GRK1: variants seen among roughly 807,000 people sequenced by gnomAD.
The protein encoded by GRK1 is rhodopsin kinase GRK1.
In GRK1, 28 loss-of-function variants were observed where a neutral mutation model predicts 41.7. That is an observed-to-expected ratio of 0.67 (90% CI 0.50 to 0.92). GRK1 has a LOEUF of 0.92. Ranked by LOEUF, GRK1 falls within the 40% of genes least tolerant of loss-of-function variation. The pLI, the probability that GRK1 is intolerant of heterozygous loss-of-function variation, is 0.00. For missense variants in GRK1, 703 were observed against 671.2 expected, an observed-to-expected ratio of 1.05 and a Z score of -0.52; for synonymous variants, 327 against 286.7, an observed-to-expected ratio of 1.14 and a Z score of -1.42.
the GRK1 span, chr13:113,649,604 A>T: frequency 7.0e-7 from 1 of 1,434,750 alleles, no homozygotes; most frequent in Non-Finnish European, 9.2e-7. The surrounding 1 kb of genome is among the most constrained non-coding windows in gnomAD (Gnocchi z 4.7). Flanking sequence ...AAACTAAGCA[A>T]GGAAGTGTCA....
At chr13:113,654,804 G>A in the GRK1 span, 1,882 of 1,612,792 alleles carry the variant, frequency 1.2e-3, 3 homozygotes, top group Non-Finnish European at 1.5e-3. Flanking sequence ...GCAACATCCC[G>A]GGCGCTTACC....
At chr13:113,668,629 C>A (rs1193841069) in intron 1 of GRK1, among the ~76,000 whole-genome samples, 2 of 152,250 alleles carry the variant, frequency 1.3e-5, no homozygotes, top group African/African-American at 2.4e-5. Context: ...GGCACGCAGG[C>A]CGCTCTAAGT....
upstream of GRK1, among the ~76,000 whole-genome samples, chr13:113,666,399 A>C (rs1416821997): frequency 1.4e-5 from 2 of 144,970 alleles, no homozygotes; most frequent in Non-Finnish European, 3.0e-5. Flanking sequence ...GGTGTGCCCC[A>C]GGTATGTTGC....
At chr13:113,653,560 G>T in the GRK1 span, 1 of 727,724 alleles carries the variant, frequency 1.4e-6, no homozygotes. Flanking sequence ...GGAGTAAACT[G>T]TCTGCAGCAC....
chr13:113,733,998 GTGTGCGTGTGCGTGCA>G (rs1164111252), intron 6 of GRK1, among the ~76,000 whole-genome samples: 1 of 144,516 alleles, frequency 6.9e-6, no homozygotes, highest in African/African-American at 2.8e-5. Context: ...GCATACATGT[GTGTGCGTGTGCGTGCA>G]TGTGTGTGCG....
chr13:113,653,041 G>C, the GRK1 span: 1 of 1,613,080 alleles, frequency 6.2e-7, no homozygotes, highest in African/African-American at 1.3e-5. Context: ...AGGTGCAGTT[G>C]ATGCTGTCCT....
the GRK1 span, among the ~76,000 whole-genome samples, chr13:113,650,687 G>A: frequency 6.6e-6 from 1 of 152,202 alleles, no homozygotes. This position sits in a 1 kb window ranked among gnomAD's most constrained non-coding sequence, Gnocchi z 5.0. Context: ...TCTCAGCAAG[G>A]ATATGATTTG....
chr13:113,733,882 C>CGTGTGT (rs1331228248), intron 6 of GRK1, among the ~76,000 whole-genome samples: 2 of 67,672 alleles, frequency 3.0e-5, no homozygotes, highest in African/African-American at 2.0e-4. Context: ...TGTGTGCATA[C>CGTGTGT]GTGTGTGCGT....
rs1030903666 is a variant in GRK1, at chr13:113,735,275, G to T, written c.1604G>T (p.Arg535Leu). 4.6e-6 allele frequency: 7 copies of T among 1,536,444 alleles called. No homozygotes were observed. Among genetic ancestry groups the T allele is most frequent in the African/African-American group, 1.4e-5 (1 of 73,032 alleles). Residue 535 changes from arginine to leucine, a missense_variant, in exon 7 of 7, where the codon CGC becomes CTC. Physicochemically the swap from Arg to Leu is moderately radical, Grantham distance 102. Coordinates refer to ENST00000335678, the MANE Select transcript of GRK1 (RefSeq NM_002929.3). The stretch of plus-strand genomic sequence containing the variant: ...ATCTTTGGCGAGCTGAACGTGTGGC[G>T]CTCGGACGGTCAGATGCCGGACGAC... The part of the protein sequence containing the change: ...TGIFGELNVW[R>L]SDGQMPDDMK...
At chr13:113,730,186 G>A (rs2049925615) in intron 4 of GRK1, among the ~76,000 whole-genome samples, 1 of 115,122 alleles carries the variant, frequency 8.7e-6, no homozygotes, top group Admixed American at 9.2e-5. Context: ...CAGTCCCCGC[G>A]GCTGCACCCA....
At chr13:113,734,794 C>G (rs890393986) in intron 6 of GRK1, 1 of 346,074 alleles carries the variant, frequency 2.9e-6, no homozygotes, top group Non-Finnish European at 5.2e-6. Flanking sequence ...CAGATGTGAG[C>G]GCCAGGTCCT....
upstream of GRK1, among the ~76,000 whole-genome samples, chr13:113,662,333 G>A (rs1418508391): frequency 2.6e-5 from 4 of 152,126 alleles, no homozygotes; most frequent in African/African-American, 9.7e-5. Context: ...TAAAAGCATT[G>A]ACAAAAAACC....
At chr13:113,725,300 T>TC (rs570887009) in intron 4 of GRK1, among the ~76,000 whole-genome samples, 2,380 of 140,388 alleles carry the variant, frequency 0.017, 14 homozygotes, top group African/African-American at 0.061. Flanking sequence ...TGCGCGGTCC[T>TC]AGTTTGAGGT....
rs964571327 is a variant in GRK1, at chr13:113,736,498, G to A, written c.*1135G>A. ...TGAAGGTTCCCCAAATGCTTTGTGT[G>A]TTTTAACTGCAGGAAGTTAGTTCTG... On this transcript the variant is annotated 3_prime_UTR_variant, in exon 7 of 7. Coordinates refer to ENST00000335678, the MANE Select transcript of GRK1 (RefSeq NM_002929.3). The A allele has an allele frequency of 2.0e-5, 3 of 152,264 alleles. No individual in the cohort carries two copies. Among genetic ancestry groups the A allele is most frequent in the Non-Finnish European group, 4.4e-5 (3 of 68,048 alleles). The allele number at this position is 152,264 out of a possible 1,614,324, so 9.4% of individuals were successfully genotyped here.
upstream of GRK1, among the ~76,000 whole-genome samples, chr13:113,662,885 C>T (rs1054661559): frequency 2.6e-5 from 4 of 152,148 alleles, no homozygotes; most frequent in Non-Finnish European, 4.4e-5. Flanking sequence ...ATATAGGGTG[C>T]AACATAATTC....
chr13:113,652,482 G>A, the GRK1 span, among the ~76,000 whole-genome samples: 1 of 152,168 alleles, frequency 6.6e-6, no homozygotes, highest in Non-Finnish European at 1.5e-5. Context: ...CCCCCTAAGG[G>A]GCCCCTGGTC....
At chr13:113,661,384 T>C in the GRK1 span, among the ~76,000 whole-genome samples, 1 of 151,886 alleles carries the variant, frequency 6.6e-6, no homozygotes, top group Non-Finnish European at 1.5e-5. Context: ...AAATGCATAT[T>C]TTAGAAAAGA....
upstream of GRK1, among the ~76,000 whole-genome samples, chr13:113,666,180 A>AGT: frequency 1.0e-5 from 1 of 99,710 alleles, no homozygotes; most frequent in Admixed American, 9.6e-5. Flanking sequence ...CTGCATTTCA[A>AGT]GTGTCTCAGG....
chr13:113,658,551 T>C, the GRK1 span, among the ~76,000 whole-genome samples: 1 of 152,184 alleles, frequency 6.6e-6, no homozygotes, highest in African/African-American at 2.4e-5. Flanking sequence ...TCCACGACCT[T>C]GGGCTGAGCC....
Sources: gnomAD v4.1 joint callset for allele counts (sites outside exome capture counted in the v4.1 genomes callset) on GRCh38, gnomAD v4.1.1 for gene constraint, Gnocchi (gnomAD v3.1) non-coding constraint, MANE v1.5 for transcripts, NCBI Gene and HGNC (gene_info 2026-07-23, HGNC 2026-07-21) for gene names.